The following RPS15A variants were observed in gnomAD, a reference collection of about 807,000 sequenced individuals.
The protein encoded by RPS15A is ribosomal protein S15a, also known as small ribosomal subunit protein uS8.
For missense variants in RPS15A, 62 were observed against 163.4 expected, an observed-to-expected ratio of 0.38 and a Z score of 3.38; for synonymous variants, 55 against 58.5, an observed-to-expected ratio of 0.94 and a Z score of 0.27.
rs200576998 is a variant in RPS15A, at chr16:18,788,667, GTTT to G, written c.133+311_133+313del. The G allele has an allele frequency of 1.2e-5, 3 of 243,540 alleles. No homozygotes were observed. The East Asian group carries it at 2.6e-4, about 21-fold the overall frequency. 15.1% of individuals were successfully genotyped at this position (243,540 alleles called of 1,614,324 possible). A position where few individuals can be genotyped will look rare whatever the true frequency, so the allele number is the denominator to read the frequency against. ...CCACGACCGGCTGATTTTTGTTTTT[GTTT>G]TTTGTTTTTTTAGTAGAGACGGGGT... On this transcript the variant is annotated intron_variant, in intron 2 of 4. Coordinates refer to ENST00000322989, the MANE Select transcript of RPS15A (RefSeq NM_001019.5).
rs1025318278 is a variant in RPS15A at position 18,789,051 on chromosome 16, G to A, written c.63C>T (p.Gly21=). 2 of 1,613,984 alleles carry A rather than the reference G, an allele frequency of 1.2e-6. No individual in the cohort carries two copies. Among genetic ancestry groups the A allele is most frequent in the Admixed American group, 3.3e-5 (2 of 60,026 alleles). The change falls in exon 2 of 5, where the codon GGC becomes GGT. Residue 21 remains glycine (G), a synonymous_variant. Coordinates refer to ENST00000322989, the MANE Select transcript of RPS15A (RefSeq NM_001019.5). ...ACGGCCTAATAAGCACCTGGCGTTT[G>A]CCTCTCTTTTCGGCATTGTTGATAC... ...LKSINNAEKR[G]KRQVLIRPCS... is the part of the protein sequence containing the mutation.
In RPS15A at chr16:18,788,138, G is replaced by A. The variant is rs746651024; in HGVS notation, c.138C>T (p.Tyr46=). Residue 46 remains tyrosine (Y), a synonymous_variant, in exon 3 of 5, where the codon TAC becomes TAT. Transcript: ENST00000322989. ...RFLTVMMKHG[Y]IGEFEIIDDH... Reference sequence around the variant, plus strand: ...CATCAATGATTTCAAATTCGCCAATGTAACCTACAAAAGATAACTGACTGG... The same window carrying A: ...CATCAATGATTTCAAATTCGCCAATATAACCTACAAAAGATAACTGACTGG... 6.2e-7 allele frequency: 1 copy of A among 1,602,908 alleles called. No individual in the cohort carries two copies. The highest frequency in any genetic ancestry group is 1.7e-5 in the Admixed American group (1 of 59,996).
chr16:18,788,202 T>G (rs1368881717), intron 2 of RPS15A, 60 bp from the exon 3 acceptor site: 1 of 1,049,966 alleles, frequency 9.5e-7, no homozygotes. Context: ...TAAACCTCTG[T>G]GCTCTAGCCT....
At position 18,782,636 on chromosome 16, in the gene RPS15A, C is replaced by CG. The variant is rs1903982987; in HGVS notation, c.*372_*373insC. The CG allele has an allele frequency of 1.2e-5, 2 of 160,374 alleles. No homozygotes were observed. The highest frequency in any genetic ancestry group is 3.2e-4 in the South Asian group (2 of 6,216). 9.9% of individuals were successfully genotyped at this position (160,374 alleles called of 1,614,324 possible). A position where few individuals can be genotyped will look rare whatever the true frequency, so the allele number is the denominator to read the frequency against. ...ACTCAGGCGGCTGAGACAGGACAAT[C>CG]ACTTGAACCCGGGAGGTGGAGGTTG... On this transcript the variant is annotated 3_prime_UTR_variant, in exon 5 of 5. Transcript: ENST00000322989.
At chr16:18,784,082 G>T in intron 4 of RPS15A, 1 of 185,426 alleles carries the variant, frequency 5.4e-6, no homozygotes, top group Non-Finnish European at 1.1e-5. Flanking sequence ...CTCAACACAT[G>T]AAATGTGGCA....
At chr16:18,786,235 C>G (rs1298655002) in intron 3 of RPS15A, 1 of 229,064 alleles carries the variant, frequency 4.4e-6, no homozygotes, top group Non-Finnish European at 9.0e-6. Context: ...CATGGTGGCA[C>G]TCACCTGTAA....
chr16:18,782,729 G>GA lies in RPS15A; in HGVS notation c.*279dup, dbSNP rs56008565. 19,559 of 163,106 alleles carry GA rather than the reference G, an allele frequency of 0.12. 439 individuals carry two copies. Among genetic ancestry groups the GA allele is most frequent in the Middle Eastern group, 0.19 (71 of 376 alleles). 10.1% of individuals were successfully genotyped at this position (163,106 alleles called of 1,614,324 possible). ...AGAGTCAGACTCTGTCTCCAAAAAAGAAAAAAAAAAAAAAAAACTGAAATA... is the reference window on the plus strand; with the variant it reads ...AGAGTCAGACTCTGTCTCCAAAAAAGAAAAAAAAAAAAAAAAAACTGAAATA... On this transcript the variant is annotated 3_prime_UTR_variant, in exon 5 of 5. Transcript: ENST00000322989.
intron 3 of RPS15A, among the ~76,000 whole-genome samples, chr16:18,787,228 T>C (rs1484024835): frequency 6.6e-6 from 1 of 152,200 alleles, no homozygotes; most frequent in Non-Finnish European, 1.5e-5. Flanking sequence ...CCCCTATCTG[T>C]TGCAATAAAC....
rs1490997449 is a variant in RPS15A at position 18,784,561 on chromosome 16, TAAAG to T, written c.299+173_299+176del. Reference sequence around the variant, plus strand: ...GTGCCTGGCCAACCCTGTCTCTTTTTAAAGAGAGAGAAAAGAAATATGGATAACA... The same window carrying T: ...GTGCCTGGCCAACCCTGTCTCTTTTTAGAGAGAAAAGAAATATGGATAACA... On this transcript the variant is annotated intron_variant, in intron 4 of 4. Coordinates refer to ENST00000322989, the MANE Select transcript of RPS15A (RefSeq NM_001019.5). The T allele has an allele frequency of 2.1e-5, 12 of 568,030 alleles. No homozygotes were observed. The East Asian group carries it at 2.8e-4, about 13-fold the overall frequency. The allele number at this position is 568,030 out of a possible 1,614,324, so 35.2% of individuals were successfully genotyped here.
At chr16:18,785,360 A>G (rs1470466286) in intron 3 of RPS15A, 1 of 152,198 alleles carries the variant, frequency 6.6e-6, no homozygotes, top group Non-Finnish European at 1.5e-5. Context: ...TTTCCAAACA[A>G]ATCTGACAGA....
chr16:18,788,183 C>T lies in RPS15A; in HGVS notation c.134-41G>A, dbSNP rs759801962. The T allele has an allele frequency of 1.7e-5, 22 of 1,263,960 alleles. No homozygotes were observed. In the Admixed American group the frequency reaches 3.7e-4, roughly 21 times the overall value. 78.3% of individuals were successfully genotyped at this position (1,263,960 alleles called of 1,614,324 possible). A position where few individuals can be genotyped will look rare whatever the true frequency, so the allele number is the denominator to read the frequency against. On this transcript the variant is annotated intron_variant, in intron 2 of 4. Coordinates refer to ENST00000322989, the MANE Select transcript of RPS15A (RefSeq NM_001019.5). ...GACTGGATTAAATAAAAGACATCAA[C>T]TTGAGAGCTAAACCTCTGTGCTCTA...
At position 18,782,757 on chromosome 16, in the gene RPS15A, AC is replaced by A. The variant is rs1350942711; in HGVS notation, c.*251del. ...AAAAAAAAAAAAAAACTGAAATACAACTAAAATATTTAGTGTCAAATACCTG... is the reference window on the plus strand; with the variant it reads ...AAAAAAAAAAAAAAACTGAAATACAATAAAATATTTAGTGTCAAATACCTG... On this transcript the variant is annotated 3_prime_UTR_variant, in exon 5 of 5. Transcript: ENST00000322989. The A allele has an allele frequency of 1.3e-4, 45 of 340,478 alleles. No individual in the cohort carries two copies. Among genetic ancestry groups the A allele is most frequent in the Non-Finnish European group, 2.1e-4 (39 of 188,570 alleles). The allele number at this position is 340,478 out of a possible 1,614,324, so 21.1% of individuals were successfully genotyped here. A position where few individuals can be genotyped will look rare whatever the true frequency, so the allele number is the denominator to read the frequency against.
In RPS15A at chr16:18,782,853, G is replaced by GT; in HGVS notation, c.*155dup. ...TTCATAAGAACTTTTTCCCTTGGCT[G>GT]TATTAGTCACTTCAGGGAATCGCAT... On this transcript the variant is annotated 3_prime_UTR_variant, in exon 5 of 5. Transcript: ENST00000322989. 1 of 568,616 alleles carries GT rather than the reference G, an allele frequency of 1.8e-6. No homozygotes were observed. The highest frequency in any genetic ancestry group is 4.6e-4 in the Middle Eastern group (1 of 2,154). The allele number at this position is 568,616 out of a possible 1,614,324, so 35.2% of individuals were successfully genotyped here. A position where few individuals can be genotyped will look rare whatever the true frequency, so the allele number is the denominator to read the frequency against.
intron 1 of RPS15A, 52 bp from the exon 2 acceptor site, chr16:18,789,170 A>C: frequency 6.4e-7 from 1 of 1,558,784 alleles, no homozygotes; most frequent in Non-Finnish European, 8.7e-7. Flanking sequence ...CAACATCAAC[A>C]GACACCAACC....
At chr16:18,788,877 C>T in intron 2 of RPS15A, 104 bp downstream of exon 2, 1 of 1,212,292 alleles carries the variant, frequency 8.2e-7, no homozygotes, top group East Asian at 2.3e-5. Context: ...CATTCGTTCT[C>T]AGGTATGACA....
chr16:18,782,772 G>T lies in RPS15A; in HGVS notation c.*237C>A. On this transcript the variant is annotated 3_prime_UTR_variant, in exon 5 of 5. Transcript: ENST00000322989. The stretch of plus-strand genomic sequence containing the variant: ...CTGAAATACAACTAAAATATTTAGT[G>T]TCAAATACCTGGTTTTGGCAGACAG... The T allele has an allele frequency of 8.4e-6, 3 of 355,426 alleles. No homozygotes were observed. Among genetic ancestry groups the T allele is most frequent in the East Asian group, 4.8e-5 (1 of 20,836 alleles). 22.0% of individuals were successfully genotyped at this position (355,426 alleles called of 1,614,324 possible).
At position 18,782,891 on chromosome 16, in the gene RPS15A, G is replaced by C; in HGVS notation, c.*118C>G. The C allele has an allele frequency of 3.1e-6, 2 of 635,228 alleles. No individual in the cohort carries two copies. Among genetic ancestry groups the C allele is most frequent in the South Asian group, 3.8e-5 (2 of 52,872 alleles). 39.3% of individuals were successfully genotyped at this position (635,228 alleles called of 1,614,324 possible). A position where few individuals can be genotyped will look rare whatever the true frequency, so the allele number is the denominator to read the frequency against. On this transcript the variant is annotated 3_prime_UTR_variant, in exon 5 of 5. Transcript: ENST00000322989. ...CAGGGAATCGCATTCACCGATAAAC[G>C]AAGCAACTGCATGCTGCCGCAGAAG... is the stretch of plus-strand genomic sequence containing the variant.
At chr16:18,783,130 T>C in intron 4 of RPS15A, 28 bp from the exon 5 acceptor site, 1 of 1,454,888 alleles carries the variant, frequency 6.9e-7, no homozygotes, top group Non-Finnish European at 9.6e-7. Context: ...AAAGTGCTGG[T>C]AAGTTTAATA....
intron 4 of RPS15A, chr16:18,783,691 C>T (rs776408299): frequency 8.3e-5 from 38 of 456,002 alleles, no homozygotes; most frequent in Non-Finnish European, 1.3e-4. Flanking sequence ...AGGCACCAGA[C>T]GCATAATTTG....
Sources: gnomAD v4.1 joint callset for allele counts (sites outside exome capture counted in the v4.1 genomes callset) on GRCh38, gnomAD v4.1.1 for gene constraint, MANE v1.5 for transcripts, NCBI Gene and HGNC (gene_info 2026-07-23, HGNC 2026-07-21) for gene names.